Variants in TMX1 observed in about 807,000 individuals in gnomAD.
The protein encoded by TMX1 is thioredoxin related transmembrane protein 1.
Under a neutral mutation model 36.6 loss-of-function variants are expected in TMX1, and 25 were observed. The observed-to-expected ratio is 0.68, with a 90% CI of 0.50 to 0.95. The LOEUF is 0.95. TMX1 is among the 40% of genes least tolerant of loss of function. The pLI, the probability that TMX1 is intolerant of heterozygous loss-of-function variation, is 0.00. For missense variants in TMX1, 347 were observed against 339.6 expected (o/e 1.02, Z -0.17); for synonymous variants, 133 against 118.0 (o/e 1.13, Z -0.82).
intron 4 of TMX1, 131 bp downstream of exon 4, chr14:51,247,351 GAT>G (rs2065790519): frequency 3.8e-5 from 18 of 476,322 alleles, no homozygotes; most frequent in Non-Finnish European, 5.3e-5. Flanking sequence ...TTACATGTTT[GAT>G]TTTTTTTTTT....
At chr14:51,249,889 T>C (rs2065803977) in intron 7 of TMX1, 124 bp downstream of exon 7, 1 of 700,020 alleles carries the variant, frequency 1.4e-6, no homozygotes, top group Non-Finnish European at 2.3e-6. Flanking sequence ...TGTTGGTCTT[T>C]ATCAGCTATG....
intron 2 of TMX1, 183 bp downstream of exon 2, chr14:51,244,154 A>T: frequency 2.3e-6 from 1 of 442,782 alleles, no homozygotes; most frequent in Non-Finnish European, 4.0e-6. Context: ...TGGTTGCAAA[A>T]TGGAGATTCC....
rs2065829220 is a variant in TMX1, at chr14:51,254,438, A to G, written c.762A>G (p.Lys254=). 6.2e-7 allele frequency: 1 copy of G among 1,612,464 alleles called. No homozygotes were observed. Reference sequence around the variant, plus strand: ...TTTCAGAAGAAGAAGCTGAAAGTAAAGAAGGAACAAACAAAGACTTTCCAC... The same window carrying G: ...TTTCAGAAGAAGAAGCTGAAAGTAAGGAAGGAACAAACAAAGACTTTCCAC... ...EDVSEEEAES[K]EGTNKDFPQN... The change falls in exon 8 of 8, where the codon AAA becomes AAG. Residue 254 remains lysine (K), a synonymous_variant. Transcript: ENST00000457354.
chr14:51,248,161 A>G (rs1227158139), intron 4 of TMX1, among the ~76,000 whole-genome samples: 3 of 152,220 alleles, frequency 2.0e-5, no homozygotes, highest in Non-Finnish European at 4.4e-5. Context: ...CTATGGAGTG[A>G]TAAGGATTGG....
intron 4 of TMX1, among the ~76,000 whole-genome samples, chr14:51,248,996 C>T (rs2065799028): frequency 6.6e-6 from 1 of 152,192 alleles, no homozygotes; most frequent in Non-Finnish European, 1.5e-5. Context: ...TTGCCTTTTC[C>T]AACTGGTTTC....
At chr14:51,250,611 C>G (rs572836263) in intron 7 of TMX1, among the ~76,000 whole-genome samples, 1 of 152,312 alleles carries the variant, frequency 6.6e-6, no homozygotes, top group East Asian at 1.9e-4. Context: ...CCTGCCTTGC[C>G]CTGCCGAGTA....
At chr14:51,247,486 AGC>A (rs1321100910) in intron 4 of TMX1, among the ~76,000 whole-genome samples, 129 of 150,704 alleles carry the variant, frequency 8.6e-4, no homozygotes, top group Middle Eastern at 3.4e-3. Flanking sequence ...CCTCCCGAGT[AGC>A]TGGGACTACA....
rs1213631568 is a variant in TMX1 at position 51,255,747 on chromosome 14, T to TA, written c.*1229dup. 2.6e-5 allele frequency: 4 copies of TA among 152,100 alleles called. No individual in the cohort carries two copies. The highest frequency in any genetic ancestry group is 5.9e-5 in the Non-Finnish European group (4 of 67,942). The allele number at this position is 152,100 out of a possible 1,614,324, so 9.4% of individuals were successfully genotyped here. On this transcript the variant is annotated 3_prime_UTR_variant, in exon 8 of 8. Transcript: ENST00000457354. ...AGGATGGAACATTTTAGTGTATTTT[T>TA]ACTCCTTAAAGAGCTAGAATACATA...
chr14:51,249,711 G>A lies in TMX1; in HGVS notation c.610G>A (p.Asp204Asn). ...LLGLCMIFVADCLCPSKRRRP... is the reference protein window; with the variant it reads ...LLGLCMIFVANCLCPSKRRRP... ...TTTACAGTGTATGATATTTGTGGCA[G>A]ATTGCCTTTGTCCTTCAAAAAGGCG... The change falls in exon 7 of 8, where the codon GAT (aspartate) becomes AAT (asparagine). Residue 204 changes from aspartate to asparagine, a missense_variant. Transcript: ENST00000457354. The A allele has an allele frequency of 3.1e-6, 5 of 1,613,574 alleles. No individual in the cohort carries two copies. The highest frequency in any genetic ancestry group is 4.2e-6 in the Non-Finnish European group (5 of 1,179,720).
At chr14:51,245,390 A>G in intron 3 of TMX1, 32 bp downstream of exon 3, 1 of 1,612,338 alleles carries the variant, frequency 6.2e-7, no homozygotes. Context: ...ATTATGGAGA[A>G]GGATGCATTA....
Position 51,255,071 on chromosome 14 carries a change from T to C in TMX1, c.*552T>C, listed in dbSNP as rs1286625691. 1 of 152,134 alleles carries C rather than the reference T, an allele frequency of 6.6e-6. No individual in the cohort carries two copies. Among genetic ancestry groups the C allele is most frequent in the Non-Finnish European group, 1.5e-5 (1 of 67,952 alleles). 9.4% of individuals were successfully genotyped at this position (152,134 alleles called of 1,614,324 possible). A position where few individuals can be genotyped will look rare whatever the true frequency, so the allele number is the denominator to read the frequency against. On this transcript the variant is annotated 3_prime_UTR_variant, in exon 8 of 8. Coordinates refer to ENST00000457354, the MANE Select transcript of TMX1 (RefSeq NM_030755.5). Reference sequence around the variant, plus strand: ...CTAATAAAAACTACCTTACATTAATTAATTACAGTTTTCTACACATGGTAA... The same window carrying C: ...CTAATAAAAACTACCTTACATTAATCAATTACAGTTTTCTACACATGGTAA...
At chr14:51,249,592 G>T in intron 6 of TMX1, 23 bp downstream of exon 6, 1 of 1,604,060 alleles carries the variant, frequency 6.2e-7, no homozygotes, top group Non-Finnish European at 8.5e-7. Context: ...TTTTTGGAGT[G>T]CTAGGAAGAA....
At position 51,257,007 on chromosome 14, in the gene TMX1, G is replaced by A. The variant is rs560463811; in HGVS notation, c.*2488G>A. ...TCACTCTTGTTGCCCAGGCTGGAGT[G>A]CAATGGCATGATCTTGGCTCACTGC... On this transcript the variant is annotated 3_prime_UTR_variant, in exon 8 of 8. Transcript: ENST00000457354. The A allele has an allele frequency of 2.0e-5, 3 of 150,080 alleles. No homozygotes were observed. Among genetic ancestry groups the A allele is most frequent in the Middle Eastern group, 3.4e-3 (1 of 294 alleles). The allele number at this position is 150,080 out of a possible 1,614,324, so 9.3% of individuals were successfully genotyped here. A position where few individuals can be genotyped will look rare whatever the true frequency, so the allele number is the denominator to read the frequency against.
rs769341053 is a variant in TMX1 at position 51,254,326 on chromosome 14, G to A, written c.665-15G>A. The A allele has an allele frequency of 3.2e-6, 5 of 1,574,030 alleles. No individual in the cohort carries two copies. Among genetic ancestry groups the A allele is most frequent in the Middle Eastern group, 1.7e-4 (1 of 5,854 alleles). On this transcript the variant is annotated splice_polypyrimidine_tract_variant and intron_variant, in intron 7 of 7. Transcript: ENST00000457354. ...ATACATCAACAAAAATACATTTTTG[G>A]TCTTTGTCTTTAAGAAAAATTATTA...
chr14:51,241,749 G>T (rs73296444), intron 1 of TMX1, among the ~76,000 whole-genome samples: 1 of 152,278 alleles, frequency 6.6e-6, no homozygotes, highest in African/African-American at 2.4e-5. Context: ...ATACAGCAAG[G>T]GTTGTCAAGT....
intron 1 of TMX1, 114 bp downstream of exon 1, chr14:51,240,558 G>T (rs2065755683): frequency 1.4e-6 from 2 of 1,408,700 alleles, no homozygotes; most frequent in African/African-American, 1.4e-5. Context: ...GTTGCGGAGC[G>T]AGCGTCCCCG....
intron 7 of TMX1, among the ~76,000 whole-genome samples, chr14:51,251,721 G>C (rs1160020308): frequency 6.6e-6 from 1 of 152,176 alleles, no homozygotes; most frequent in Non-Finnish European, 1.5e-5. Context: ...AAACTTGAGA[G>C]TGTCTGAGAC....
intron 1 of TMX1, among the ~76,000 whole-genome samples, chr14:51,242,342 G>C (rs1221069824): frequency 1.3e-5 from 2 of 152,100 alleles, no homozygotes; most frequent in Non-Finnish European, 2.9e-5. Context: ...AAGCAATAGT[G>C]ATCGTGTGTG....
Position 51,243,879 on chromosome 14 carries a change from G to C in TMX1, c.176G>C (p.Cys59Ser), listed in dbSNP as rs367724969. ...AGTTATGCCCCGTGGTGCCCTGCTTGTCAAAATCTTCAACCGGAATGGGAA... is the reference window on the plus strand; with the variant it reads ...AGTTATGCCCCGTGGTGCCCTGCTTCTCAAAATCTTCAACCGGAATGGGAA... Reference protein sequence around the residue: ...IEFYAPWCPACQNLQPEWESF... With the variant: ...IEFYAPWCPASQNLQPEWESF... The change falls in exon 2 of 8, where the codon TGT becomes TCT. Residue 59 changes from cysteine to serine, a missense_variant. Coordinates refer to ENST00000457354, the MANE Select transcript of TMX1 (RefSeq NM_030755.5). 163 of 1,610,680 alleles carry C rather than the reference G, an allele frequency of 1.0e-4. No individual in the cohort carries two copies. The highest frequency in any genetic ancestry group is 1.7e-5 in the Admixed American group (1 of 59,658).
Sources: gnomAD v4.1 joint callset for allele counts (sites outside exome capture counted in the v4.1 genomes callset) on GRCh38, gnomAD v4.1.1 for gene constraint, MANE v1.5 for transcripts, NCBI Gene and HGNC (gene_info 2026-07-23, HGNC 2026-07-21) for gene names.